Variants in KATNIP observed in about 807,000 individuals in gnomAD.
KATNIP encodes the protein katanin-interacting protein.
A neutral mutation model predicts 174.0 loss-of-function variants in KATNIP; 126 were observed. The ratio of observed to expected loss-of-function variants is 0.72; its 90% CI spans 0.63 to 0.84. KATNIP has a LOEUF of 0.84. Ranked by LOEUF, KATNIP falls within the 40% of genes least tolerant of loss-of-function variation. The probability of loss-of-function intolerance (pLI) is 0.00; values close to 1 mark genes in which losing one functional copy is unlikely to be tolerated. For synonymous variants in KATNIP, 810 were observed against 835.7 expected, an observed-to-expected ratio of 0.97 and a Z score of 0.53; for missense variants, 1,958 against 2,109.7, an observed-to-expected ratio of 0.93 and a Z score of 1.41.
chr16:27,677,711 C>A lies in KATNIP; in HGVS notation c.541-18C>A. 6.3e-7 allele frequency: 1 copy of A among 1,596,648 alleles called. No homozygotes were observed. Among genetic ancestry groups the A allele is most frequent in the South Asian group, 1.1e-5 (1 of 90,038 alleles). ...GGTACCATATTTATCTCTCATCTCTCTTCTGGGCTTTTTGCAGGAGCTGAG... is the reference window on the plus strand; with the variant it reads ...GGTACCATATTTATCTCTCATCTCTATTCTGGGCTTTTTGCAGGAGCTGAG... On this transcript the variant is annotated intron_variant, in intron 6 of 27. Coordinates refer to ENST00000261588, the MANE Select transcript of KATNIP (RefSeq NM_015202.5).
chr16:27,733,831 C>T lies in KATNIP; in HGVS notation c.1744-6210C>T, dbSNP rs76623190. The stretch of plus-strand genomic sequence containing the variant: ...TTTATACAGAGCTGCACTGAGGGGG[C>T]GCAGAGGAATCCAGACTCGCAGAAT... On this transcript the variant is annotated intron_variant, in intron 14 of 27. Transcript: ENST00000261588. Among the ~76,000 whole-genome samples the T allele has an allele frequency of 6.7e-4, 102 of 152,206 alleles. 1 individual carries two copies. The highest frequency in any genetic ancestry group is 1.7e-3 in the South Asian group (8 of 4,824).
At chr16:27,605,881 G>A (rs185357047) in intron 2 of KATNIP, among the ~76,000 whole-genome samples, 332 of 152,296 alleles carry the variant, frequency 2.2e-3, no homozygotes, top group African/African-American at 7.5e-3. Context: ...TGTAATCCCA[G>A]CACTTTGGGA....
chr16:27,771,494 C>A, intron 21 of KATNIP, 94 bp from the exon 22 acceptor site: 1 of 1,232,888 alleles, frequency 8.1e-7, no homozygotes, highest in Non-Finnish European at 1.2e-6. Context: ...GCTAAACTGC[C>A]ATGTTTCTTC....
At chr16:27,631,191 T>C in intron 5 of KATNIP, 29 bp downstream of exon 5, 1 of 1,495,490 alleles carries the variant, frequency 6.7e-7, no homozygotes. Context: ...CAGCCCACGC[T>C]TTAGAATACA....
At chr16:27,722,394 C>T (rs12102783) in intron 14 of KATNIP, 21,255 of 152,268 alleles carry the variant, frequency 0.14, 1,547 homozygotes, top group Middle Eastern at 0.2. Context: ...GGACCCACCA[C>T]CTCCGGTTGC....
chr16:27,687,186 G>A (rs2078555475), intron 8 of KATNIP: 4 of 152,130 alleles, frequency 2.6e-5, no homozygotes, highest in African/African-American at 9.7e-5. Context: ...AGCACCTTAA[G>A]AGGAAAGGCC....
chr16:27,593,093 CCTT>C (rs781609631), intron 2 of KATNIP, among the ~76,000 whole-genome samples: 3 of 152,060 alleles, frequency 2.0e-5, no homozygotes, highest in Non-Finnish European at 2.9e-5. Context: ...GCTTCTGTGT[CCTT>C]CTCACTAGGT....
chr16:27,632,457 C>A (rs1022884733), intron 5 of KATNIP: 7 of 373,212 alleles, frequency 1.9e-5, no homozygotes, highest in African/African-American at 1.2e-4. Context: ...GAGCTTCATG[C>A]CTCTCCATGG....
Position 27,721,652 on chromosome 16 carries a change from A to C in KATNIP, c.1700A>C (p.His567Pro). ...AACACAAGACAGCTGGGGGACTTCC[A>C]TCTGGCCAAGATCAAGGTTCGGAAT... ...IRNTRQLGDF[H>P]LAKIKVRNYW... The change falls in exon 14 of 28, where the codon CAT becomes CCT. Residue 567 changes from histidine to proline, a missense_variant. By Grantham distance (77) the His-to-Pro change is moderately conservative (BLOSUM62 -2). Coordinates refer to ENST00000261588, the MANE Select transcript of KATNIP (RefSeq NM_015202.5). 1.2e-6 allele frequency: 2 copies of C among 1,614,138 alleles called. No individual in the cohort carries two copies. The highest frequency in any genetic ancestry group is 1.7e-6 in the Non-Finnish European group (2 of 1,180,024).
At chr16:27,748,375 C>T (rs2081370554) in intron 15 of KATNIP, among the ~76,000 whole-genome samples, 1 of 152,162 alleles carries the variant, frequency 6.6e-6, no homozygotes, top group Admixed American at 6.5e-5. Context: ...CGCTTGAGCC[C>T]AGAGTTCAAG....
intron 13 of KATNIP, among the ~76,000 whole-genome samples, chr16:27,719,324 A>G (rs1223214552): frequency 6.6e-6 from 1 of 152,120 alleles, no homozygotes; most frequent in Non-Finnish European, 1.5e-5. Flanking sequence ...ATGTCTTCCG[A>G]GTCTGCAGAG....
At chr16:27,679,187 A>ACT (rs1328960214) in intron 7 of KATNIP, 1 of 152,066 alleles carries the variant, frequency 6.6e-6, no homozygotes, top group African/African-American at 2.4e-5. Context: ...GCAGGAATTT[A>ACT]CTCTCTCATA....
At chr16:27,751,950 G>C in intron 17 of KATNIP, 26 bp downstream of exon 17, 1 of 1,573,490 alleles carries the variant, frequency 6.4e-7, no homozygotes, top group Non-Finnish European at 8.6e-7. Flanking sequence ...GGGGGCTGTG[G>C]GGGGACCCCC....
At chr16:27,712,221 T>C (rs977600475) in intron 13 of KATNIP, among the ~76,000 whole-genome samples, 2 of 152,224 alleles carry the variant, frequency 1.3e-5, no homozygotes, top group Non-Finnish European at 2.9e-5. Flanking sequence ...ATGAGGCAGC[T>C]GTGTCACCCT....
chr16:27,740,512 C>T lies in KATNIP; in HGVS notation c.2215C>T (p.Leu739Phe), dbSNP rs1165420583. The T allele has an allele frequency of 6.2e-7, 1 of 1,614,164 alleles. No individual in the cohort carries two copies. Among genetic ancestry groups the T allele is most frequent in the Admixed American group, 1.7e-5 (1 of 60,022 alleles). Residue 739 changes from leucine (L) to phenylalanine (F), a missense_variant, in exon 15 of 28, where the codon CTC becomes TTC. This residue lies in a region of KATNIP where 1,557 missense variants were observed against 1,617.8 expected (regional missense o/e 0.96). Coordinates refer to ENST00000261588, the MANE Select transcript of KATNIP (RefSeq NM_015202.5). ...CTCTCTCATCCAACAACTGGAAAAC[C>T]TCATGGGCAGAAAAATCTGTGAGCC... ...EPSLIQQLENLMGRKICEPPG... is the reference protein window; with the variant it reads ...EPSLIQQLENFMGRKICEPPG...
chr16:27,773,193 C>A lies in KATNIP; in HGVS notation c.4293C>A (p.Ile1431=). ...LELYDERGEK[I]PLSENNIAAF... ...TGTATGACGAGCGAGGAGAAAAAATCCCCTTGTCGGAAAACAGTATCCTTT... is the reference window on the plus strand; with the variant it reads ...TGTATGACGAGCGAGGAGAAAAAATACCCTTGTCGGAAAACAGTATCCTTT... Residue 1431 remains isoleucine, a synonymous_variant, in exon 23 of 28, where the codon ATC becomes ATA. Coordinates refer to ENST00000261588, the MANE Select transcript of KATNIP (RefSeq NM_015202.5). 6.2e-7 allele frequency: 1 copy of A among 1,608,930 alleles called. No individual in the cohort carries two copies. Among genetic ancestry groups the A allele is most frequent in the Non-Finnish European group, 8.5e-7 (1 of 1,176,930 alleles).
intron 2 of KATNIP, among the ~76,000 whole-genome samples, chr16:27,594,554 G>A (rs2075279497): frequency 6.6e-6 from 1 of 151,934 alleles, no homozygotes; most frequent in Non-Finnish European, 1.5e-5. Flanking sequence ...CAATTTCATG[G>A]TGGAACCTGA....
At chr16:27,649,821 G>T (rs1344214258) in intron 6 of KATNIP, among the ~76,000 whole-genome samples, 1 of 152,234 alleles carries the variant, frequency 6.6e-6, no homozygotes, top group Non-Finnish European at 1.5e-5. Context: ...TGTTAGCCAG[G>T]ATAGAGAGAG....
chr16:27,721,653 T>G lies in KATNIP; in HGVS notation c.1701T>G (p.His567Gln). 6.2e-7 allele frequency: 1 copy of G among 1,614,154 alleles called. No individual in the cohort carries two copies. The highest frequency in any genetic ancestry group is 8.5e-7 in the Non-Finnish European group (1 of 1,180,036). Residue 567 changes from histidine to glutamine, a missense_variant, in exon 14 of 28, where the codon CAT (histidine) becomes CAG (glutamine). His to Gln is a conservative substitution (Grantham distance 24, BLOSUM62 0). Transcript: ENST00000261588. ...ACACAAGACAGCTGGGGGACTTCCATCTGGCCAAGATCAAGGTTCGGAATT... is the reference window on the plus strand; with the variant it reads ...ACACAAGACAGCTGGGGGACTTCCAGCTGGCCAAGATCAAGGTTCGGAATT... ...IRNTRQLGDF[H>Q]LAKIKVRNYW...
Sources: gnomAD v4.1 joint callset for allele counts (sites outside exome capture counted in the v4.1 genomes callset) on GRCh38, gnomAD v4.1.1 for gene constraint, gnomAD v4.1.1 regional missense constraint, MANE v1.5 for transcripts, NCBI Gene and HGNC (gene_info 2026-07-23, HGNC 2026-07-21) for gene names.